NDFIP2: variants seen among roughly 807,000 people sequenced by gnomAD.
The protein encoded by NDFIP2 is Nedd4 family interacting protein 2.
NDFIP2 carries 19 observed loss-of-function variants against 36.0 expected under a neutral mutation model. The ratio of observed to expected loss-of-function variants is 0.53; its 90% CI spans 0.37 to 0.77. NDFIP2 has a LOEUF of 0.77. Ranked by LOEUF, NDFIP2 falls within the 30% of genes least tolerant of loss-of-function variation. The probability of loss-of-function intolerance (pLI) is 0.00; values close to 1 mark genes in which losing one functional copy is unlikely to be tolerated. For synonymous variants in NDFIP2, 181 were observed against 167.7 expected, an observed-to-expected ratio of 1.08 and a Z score of -0.61; for missense variants, 446 against 435.8, an observed-to-expected ratio of 1.02 and a Z score of -0.21.
chr13:79,524,569 C>T (rs1328432236), intron 2 of NDFIP2, among the ~76,000 whole-genome samples: 1 of 152,138 alleles, frequency 6.6e-6, no homozygotes, highest in Non-Finnish European at 1.5e-5. Context: ...CAAAGTAAAA[C>T]CTTGACATTT....
chr13:79,502,644 TTTAAA>T (rs1472051313), intron 1 of NDFIP2, among the ~76,000 whole-genome samples: 1 of 152,152 alleles, frequency 6.6e-6, no homozygotes, highest in Non-Finnish European at 1.5e-5. Flanking sequence ...ATATTAAATA[TTTAAA>T]TAGTATGAGG....
At chr13:79,524,853 A>G (rs1874729865) in intron 2 of NDFIP2, among the ~76,000 whole-genome samples, 1 of 152,160 alleles carries the variant, frequency 6.6e-6, no homozygotes, top group African/African-American at 2.4e-5. Context: ...GTGTCACCAC[A>G]CGGTACCTGA....
chr13:79,489,308 A>G (rs1873134509), intron 1 of NDFIP2, among the ~76,000 whole-genome samples: 2 of 152,174 alleles, frequency 1.3e-5, no homozygotes, highest in South Asian at 4.1e-4. Context: ...TCAGCATCTC[A>G]GTTCTCCTTT....
chr13:79,494,749 T>G (rs1296321485), intron 1 of NDFIP2, among the ~76,000 whole-genome samples: 1 of 152,028 alleles, frequency 6.6e-6, no homozygotes, highest in Non-Finnish European at 1.5e-5. Context: ...AGTAGGTTCC[T>G]AAGAAAGGAT....
Position 79,541,240 on chromosome 13 carries a change from A to G in NDFIP2, c.715+1465A>G, listed in dbSNP as rs969292906. ...ACACCTTCTAATTATGCAACTCAGA[A>G]GTCTTATTTCTCCGTTTATTTCACT... is the stretch of plus-strand genomic sequence containing the variant. On this transcript the variant is annotated intron_variant, in intron 4 of 7. Coordinates refer to ENST00000218652, the MANE Select transcript of NDFIP2 (RefSeq NM_019080.3). Among the ~76,000 whole-genome samples, 20 of 151,860 alleles carry G rather than the reference A, an allele frequency of 1.3e-4. 1 individual carries two copies. The highest frequency in any genetic ancestry group is 1.9e-4 in the Non-Finnish European group (13 of 67,908).
chr13:79,508,622 A>C (rs535017073), intron 1 of NDFIP2, among the ~76,000 whole-genome samples: 20 of 152,166 alleles, frequency 1.3e-4, no homozygotes, highest in Admixed American at 2.6e-4. Flanking sequence ...TCTCTTCGCC[A>C]TCTTGGTTTT....
At chr13:79,524,400 C>T (rs984512136) in intron 2 of NDFIP2, among the ~76,000 whole-genome samples, 2 of 152,208 alleles carry the variant, frequency 1.3e-5, no homozygotes, top group African/African-American at 4.8e-5. Context: ...AATGTTACTG[C>T]ATCAGCAATA....
intron 7 of NDFIP2, 77 bp from the exon 8 acceptor site, chr13:79,552,439 A>G (rs1875943714): frequency 2.0e-5 from 3 of 151,858 alleles, no homozygotes; most frequent in African/African-American, 7.2e-5. Context: ...TTCTTCTATA[A>G]AATGTGTTGT....
chr13:79,530,172 A>C (rs1210825170), intron 2 of NDFIP2, among the ~76,000 whole-genome samples: 1 of 152,056 alleles, frequency 6.6e-6, no homozygotes, highest in Non-Finnish European at 1.5e-5. Flanking sequence ...TTTTAGAGAC[A>C]GAATTCAGTG....
chr13:79,510,612 A>C (rs1874049034), intron 1 of NDFIP2, among the ~76,000 whole-genome samples: 1 of 152,110 alleles, frequency 6.6e-6, no homozygotes, highest in Non-Finnish European at 1.5e-5. Flanking sequence ...TTATAGAAAG[A>C]ATGGGGCTTG....
At chr13:79,529,947 G>A (rs1874947173) in intron 2 of NDFIP2, among the ~76,000 whole-genome samples, 1 of 152,094 alleles carries the variant, frequency 6.6e-6, no homozygotes, top group Non-Finnish European at 1.5e-5. Flanking sequence ...TTATGTTTAC[G>A]CTATACTCTT....
rs529397132 is a variant in NDFIP2, at chr13:79,522,989, C to T, written c.487+2014C>T. Among the ~76,000 whole-genome samples, 44 of 152,258 alleles carry T rather than the reference C, an allele frequency of 2.9e-4. 2 individuals carry two copies. The South Asian group carries it at 8.7e-3, about 30-fold the overall frequency. ...AAACTCTCACAACTGCATACTTACC[C>T]TTCCCCGTAGCACCAAACCTTCTCC... On this transcript the variant is annotated intron_variant, in intron 2 of 7. Coordinates refer to ENST00000218652, the MANE Select transcript of NDFIP2 (RefSeq NM_019080.3).
At chr13:79,516,941 A>G (rs1416531679) in intron 1 of NDFIP2, among the ~76,000 whole-genome samples, 1 of 152,230 alleles carries the variant, frequency 6.6e-6, no homozygotes, top group African/African-American at 2.4e-5. Flanking sequence ...TATAGGATAC[A>G]TGCCAATAAA....
At chr13:79,523,131 C>T (rs1184661191) in intron 2 of NDFIP2, among the ~76,000 whole-genome samples, 1 of 152,118 alleles carries the variant, frequency 6.6e-6, no homozygotes, top group African/African-American at 2.4e-5. Context: ...GAGATGTGTT[C>T]CCAGAACACC....
chr13:79,504,758 A>G (rs1873795379), intron 1 of NDFIP2, among the ~76,000 whole-genome samples: 1 of 152,160 alleles, frequency 6.6e-6, no homozygotes, highest in Non-Finnish European at 1.5e-5. Context: ...CTTGCCTTAA[A>G]TAGTTATAAC....
chr13:79,538,130 A>T (rs1300787500), intron 3 of NDFIP2, among the ~76,000 whole-genome samples: 2 of 152,194 alleles, frequency 1.3e-5, no homozygotes, highest in Admixed American at 6.5e-5. Context: ...TCATGAGAAC[A>T]GCGCCCAGGA....
rs1395305732 is a variant in NDFIP2 at position 79,552,753 on chromosome 13, A to G, written c.*240A>G. 1 of 151,884 alleles carries G rather than the reference A, an allele frequency of 6.6e-6. No homozygotes were observed. The highest frequency in any genetic ancestry group is 2.4e-5 in the African/African-American group (1 of 41,390). 9.4% of individuals were successfully genotyped at this position (151,884 alleles called of 1,614,324 possible). On this transcript the variant is annotated 3_prime_UTR_variant, in exon 8 of 8. Transcript: ENST00000218652. ...ATATGTGCCCATTTAAGATATTTGCATATACTTGATAGAAACCATAAAGTT... is the reference window on the plus strand; with the variant it reads ...ATATGTGCCCATTTAAGATATTTGCGTATACTTGATAGAAACCATAAAGTT...
intron 1 of NDFIP2, among the ~76,000 whole-genome samples, chr13:79,484,404 A>G (rs2079831387): frequency 6.6e-6 from 1 of 152,188 alleles, no homozygotes; most frequent in East Asian, 1.9e-4. Flanking sequence ...TTCTGTGTAC[A>G]AGTTAAATTG....
chr13:79,533,776 ATGT>A (rs112334180), intron 3 of NDFIP2, among the ~76,000 whole-genome samples: 6,737 of 152,218 alleles, frequency 0.044, 514 homozygotes, highest in African/African-American at 0.15. Context: ...TCGACTGTTT[ATGT>A]TATCAGTAAG....
Sources: allele counts gnomAD v4.1 joint callset (sites outside exome capture counted in the v4.1 genomes callset), GRCh38; gene constraint gnomAD v4.1.1; transcripts MANE v1.5; gene names NCBI Gene and HGNC (gene_info 2026-07-23, HGNC 2026-07-21).